The following HMG20A variants were observed in gnomAD, a reference collection of about 807,000 sequenced individuals.
The protein encoded by HMG20A is high mobility group protein 20A.
In HMG20A, 17 loss-of-function variants were observed where a neutral mutation model predicts 43.9. That is an observed-to-expected ratio of 0.39 (90% confidence interval 0.27 to 0.58). The LOEUF (loss-of-function observed/expected upper bound fraction) is 0.58. HMG20A is among the 20% of genes least tolerant of loss of function. HMG20A has a pLI of 0.59. For missense variants in HMG20A, 341 were observed against 438.2 expected (o/e 0.78, Z 1.98); for synonymous variants, 132 against 147.5 (o/e 0.89, Z 0.76).
the HMG20A span, among the ~76,000 whole-genome samples, chr15:77,491,653 G>C: frequency 6.6e-6 from 1 of 152,296 alleles, no homozygotes; most frequent in African/African-American, 2.4e-5. Flanking sequence ...TGTGAGCGCA[G>C]TATTCTGGAA....
downstream of HMG20A, among the ~76,000 whole-genome samples, chr15:77,489,411 G>T (rs192872091): frequency 2.0e-5 from 3 of 152,178 alleles, no homozygotes; most frequent in African/African-American, 7.2e-5. Context: ...CACTATAGCC[G>T]TACTGTCTTA....
chr15:77,514,884 G>A, the HMG20A span, among the ~76,000 whole-genome samples: 1 of 152,222 alleles, frequency 6.6e-6, no homozygotes, highest in African/African-American at 2.4e-5. Flanking sequence ...TGCATGTGCT[G>A]TGGGGATGCA....
At chr15:77,424,750 C>T (rs2073407650) in intron 1 of HMG20A, among the ~76,000 whole-genome samples, 1 of 152,078 alleles carries the variant, frequency 6.6e-6, no homozygotes, top group Non-Finnish European at 1.5e-5. Context: ...TCACTAATTT[C>T]CATGATTAGA....
In HMG20A at chr15:77,464,128, G is replaced by A; in HGVS notation, c.90-112G>A. On this transcript the variant is annotated intron_variant, in intron 2 of 9. Transcript: ENST00000336216. Reference sequence around the variant, plus strand: ...GTTGTTTACATTTATACAGATTATTGGGGGAATTAATTCAAGGACTGGCAT... The same window carrying A: ...GTTGTTTACATTTATACAGATTATTAGGGGAATTAATTCAAGGACTGGCAT... The A allele has an allele frequency of 2.6e-6, 3 of 1,152,358 alleles. 1 individual carries two copies. The highest frequency in any genetic ancestry group is 2.9e-5 in the South Asian group (2 of 67,956). 71.4% of individuals were successfully genotyped at this position (1,152,358 alleles called of 1,614,324 possible).
the HMG20A span, among the ~76,000 whole-genome samples, chr15:77,504,512 A>G: frequency 2.0e-5 from 3 of 152,234 alleles, no homozygotes; most frequent in South Asian, 2.1e-4. Flanking sequence ...CTCAAGGGTA[A>G]TTGCCCAAGA....
chr15:77,448,227 G>A (rs2073696756), intron 1 of HMG20A, among the ~76,000 whole-genome samples: 1 of 152,044 alleles, frequency 6.6e-6, no homozygotes, highest in Non-Finnish European at 1.5e-5. Flanking sequence ...TAAAATAGCA[G>A]CCAGAATGAT....
chr15:77,444,589 A>G (rs1567394877), intron 1 of HMG20A, among the ~76,000 whole-genome samples: 1 of 152,208 alleles, frequency 6.6e-6, no homozygotes, highest in Non-Finnish European at 1.5e-5. Context: ...CTTGTTCTGA[A>G]TTACTATGGT....
the HMG20A span, among the ~76,000 whole-genome samples, chr15:77,510,768 C>G: frequency 1.3e-5 from 2 of 152,222 alleles, no homozygotes; most frequent in African/African-American, 2.4e-5. Context: ...GTGGGCATCC[C>G]TGAGCCAGGG....
chr15:77,424,011 ACAG>A (rs1374380807), intron 1 of HMG20A, among the ~76,000 whole-genome samples: 2 of 152,124 alleles, frequency 1.3e-5, no homozygotes, highest in African/African-American at 4.8e-5. Context: ...GACTTTGAAT[ACAG>A]TAAATACGGC....
chr15:77,428,995 G>T (rs1472554829), intron 1 of HMG20A, among the ~76,000 whole-genome samples: 1 of 151,172 alleles, frequency 6.6e-6, no homozygotes, highest in Non-Finnish European at 1.5e-5. Context: ...GGAGCCTCTA[G>T]AACATAGGCC....
the HMG20A span, among the ~76,000 whole-genome samples, chr15:77,507,587 T>G: frequency 6.6e-6 from 1 of 152,292 alleles, no homozygotes; most frequent in East Asian, 1.9e-4. Context: ...GGGTGTGGCA[T>G]CAAGCCAAGC....
the HMG20A span, among the ~76,000 whole-genome samples, chr15:77,519,429 C>T: frequency 1.3e-5 from 2 of 152,166 alleles, no homozygotes; most frequent in African/African-American, 2.4e-5. Context: ...ATGCTGGTGT[C>T]CCTCCAATAT....
Position 77,436,696 on chromosome 15 carries a change from T to G in HMG20A, c.-5+15692T>G, listed in dbSNP as rs528845807. ...CTTGTCTCAAACTCCCAATCTCAAG[T>G]AATCCACCTGCCTCAGCCTCCCAAA... On this transcript the variant is annotated intron_variant, in intron 1 of 9. Coordinates refer to ENST00000336216, the MANE Select transcript of HMG20A (RefSeq NM_001304504.2). 7.2e-5 allele frequency among the ~76,000 whole-genome samples: 11 copies of G among 152,102 alleles called. No homozygotes were observed. In the East Asian group the frequency reaches 2.1e-3, roughly 29 times the overall value.
chr15:77,450,228 C>T (rs796945338), intron 1 of HMG20A, among the ~76,000 whole-genome samples: 25 of 152,078 alleles, frequency 1.6e-4, no homozygotes, highest in African/African-American at 4.8e-4. Flanking sequence ...CTCCAGGGTT[C>T]GCGCCATTCT....
chr15:77,509,555 CG>C, the HMG20A span, among the ~76,000 whole-genome samples: 1 of 115,402 alleles, frequency 8.7e-6, no homozygotes, highest in East Asian at 2.8e-4. Flanking sequence ...TGTGCCCAGC[CG>C]TGTGTGTGTG....
downstream of HMG20A, among the ~76,000 whole-genome samples, chr15:77,489,727 C>G (rs1480485564): frequency 6.6e-6 from 1 of 152,066 alleles, no homozygotes; most frequent in Non-Finnish European, 1.5e-5. Flanking sequence ...AGGAGCCAGC[C>G]CGGTGAAGGG....
At chr15:77,472,969 G>A (rs996771292) in intron 6 of HMG20A, among the ~76,000 whole-genome samples, 2 of 152,142 alleles carry the variant, frequency 1.3e-5, no homozygotes, top group Non-Finnish European at 1.5e-5. Flanking sequence ...TTCCACAAAT[G>A]ATTATTTTAT....
At position 77,467,214 on chromosome 15, in the gene HMG20A, A is replaced by G. The variant is rs1394018632; in HGVS notation, c.357A>G (p.Glu119=). 2.5e-6 allele frequency: 4 copies of G among 1,614,058 alleles called. No individual in the cohort carries two copies. Among genetic ancestry groups the G allele is most frequent in the Non-Finnish European group, 3.4e-6 (4 of 1,180,028 alleles). ...GYVRFMNERR[E]QLRAKRPEVP... is the part of the protein sequence containing the mutation. ...TTCGGTTCATGAATGAGCGTCGAGA[A>G]CAACTTCGAGCAAAGAGACCAGAAG... Residue 119 remains glutamate (E), a synonymous_variant, in exon 4 of 10, where the codon GAA becomes GAG. Coordinates refer to ENST00000336216, the MANE Select transcript of HMG20A (RefSeq NM_001304504.2).
At chr15:77,513,696 C>T in the HMG20A span, among the ~76,000 whole-genome samples, 1 of 151,992 alleles carries the variant, frequency 6.6e-6, no homozygotes. Flanking sequence ...AGACCAGGGC[C>T]CCACCCTTAT....
Sources: gnomAD v4.1 joint callset for allele counts (sites outside exome capture counted in the v4.1 genomes callset) on GRCh38, gnomAD v4.1.1 for gene constraint, MANE v1.5 for transcripts, NCBI Gene and HGNC (gene_info 2026-07-23, HGNC 2026-07-21) for gene names.